PLPPR1: variants seen among roughly 807,000 people sequenced by gnomAD.
PLPPR1 encodes the protein phospholipid phosphatase-related protein type 1.
In PLPPR1, 10 loss-of-function variants were observed where a neutral mutation model predicts 33.1. The ratio of observed to expected loss-of-function variants is 0.30; its 90% CI spans 0.19 to 0.51. PLPPR1 has a LOEUF of 0.51. Among genes scored for constraint, PLPPR1 ranks in the 20% least tolerant of loss-of-function variants. The pLI is 0.97. For synonymous variants in PLPPR1, 151 were observed against 151.0 expected, an observed-to-expected ratio of 1.00 and a Z score of 0.00; for missense variants, 304 against 408.1, an observed-to-expected ratio of 0.74 and a Z score of 2.20.
intron 2 of PLPPR1, among the ~76,000 whole-genome samples, chr9:101,190,323 A>C (rs1826274341): frequency 6.6e-6 from 1 of 152,116 alleles, no homozygotes; most frequent in African/African-American, 2.4e-5. Flanking sequence ...TTATTCAGTA[A>C]CTACATTTTT....
At chr9:101,299,182 G>A (rs1163470683) in intron 4 of PLPPR1, among the ~76,000 whole-genome samples, 3 of 152,216 alleles carry the variant, frequency 2.0e-5, no homozygotes, top group East Asian at 1.9e-4. Context: ...AGGAACCGTA[G>A]TTGAAGCTCA....
intron 1 of PLPPR1, among the ~76,000 whole-genome samples, chr9:101,046,763 A>C (rs1030975015): frequency 1.3e-5 from 2 of 152,038 alleles, no homozygotes; most frequent in Admixed American, 1.3e-4. Context: ...AGTGTTACAA[A>C]ACCCAGTAAA....
chr9:101,189,994 A>G (rs1826267867), intron 2 of PLPPR1, among the ~76,000 whole-genome samples: 1 of 152,050 alleles, frequency 6.6e-6, no homozygotes, highest in African/African-American at 2.4e-5. Flanking sequence ...AGCCGAGCTT[A>G]CTTCTTCTGT....
intron 1 of PLPPR1, among the ~76,000 whole-genome samples, chr9:101,109,866 T>A (rs2118572343): frequency 6.6e-6 from 1 of 152,354 alleles, no homozygotes; most frequent in East Asian, 1.9e-4. Flanking sequence ...GGGCAGATTG[T>A]TTGTGACATG....
chr9:101,035,099 T>C (rs1462541116), intron 1 of PLPPR1, among the ~76,000 whole-genome samples: 1 of 152,140 alleles, frequency 6.6e-6, no homozygotes, highest in East Asian at 1.9e-4. Context: ...GCAGATTGTT[T>C]TAGGGAAACG....
chr9:101,101,623 T>A (rs2118554306), intron 1 of PLPPR1, among the ~76,000 whole-genome samples: 1 of 152,040 alleles, frequency 6.6e-6, no homozygotes, highest in East Asian at 1.9e-4. Context: ...TCCACTTGAA[T>A]AAATGGAATA....
intron 1 of PLPPR1, among the ~76,000 whole-genome samples, chr9:101,120,534 A>T (rs951337171): frequency 6.6e-6 from 1 of 152,170 alleles, no homozygotes; most frequent in African/African-American, 2.4e-5. Flanking sequence ...TTCTGTTCAT[A>T]GTTGGTTAGC....
chr9:101,181,318 T>A (rs982605029), intron 1 of PLPPR1, among the ~76,000 whole-genome samples: 3 of 150,904 alleles, frequency 2.0e-5, no homozygotes, highest in Non-Finnish European at 4.4e-5. Context: ...ATAGTAAGTG[T>A]TGACGATGGT....
Position 101,263,114 on chromosome 9 carries a change from C to T in PLPPR1, c.64-6766C>T, listed in dbSNP as rs544271540. On this transcript the variant is annotated intron_variant, in intron 2 of 7. Coordinates refer to ENST00000374874, the MANE Select transcript of PLPPR1 (RefSeq NM_207299.2). Reference sequence around the variant, plus strand: ...CACATGTATACCTATGTAACAAACCCGGACATTCTGCACATGTATCCCAGA... The same window carrying T: ...CACATGTATACCTATGTAACAAACCTGGACATTCTGCACATGTATCCCAGA... Among the ~76,000 whole-genome samples, 6 of 151,636 alleles carry T rather than the reference C, an allele frequency of 4.0e-5. No individual in the cohort carries two copies. In the South Asian group the frequency reaches 1.2e-3, roughly 31 times the overall value.
chr9:101,055,722 G>A (rs1034797089), intron 1 of PLPPR1, among the ~76,000 whole-genome samples: 1 of 152,086 alleles, frequency 6.6e-6, no homozygotes, highest in African/African-American at 2.4e-5. Context: ...CTCTCATGTG[G>A]GAATTCTTGT....
intron 4 of PLPPR1, among the ~76,000 whole-genome samples, chr9:101,292,372 A>G (rs1828527941): frequency 6.6e-6 from 1 of 152,208 alleles, no homozygotes; most frequent in African/African-American, 2.4e-5. Flanking sequence ...ACTCTGCAGG[A>G]TATTATCCAG....
chr9:101,193,139 A>T (rs1451351669), intron 2 of PLPPR1, among the ~76,000 whole-genome samples: 1 of 152,106 alleles, frequency 6.6e-6, no homozygotes, highest in Non-Finnish European at 1.5e-5. Context: ...AAGAGAAGAG[A>T]ATGTAGGACT....
Position 101,150,207 on chromosome 9 carries a change from T to C in PLPPR1, c.-45-35243T>C, listed in dbSNP as rs1564158767. On this transcript the variant is annotated intron_variant, in intron 1 of 7. Coordinates refer to ENST00000374874, the MANE Select transcript of PLPPR1 (RefSeq NM_207299.2). ...CTCTTCTTTAAGCTCATTCTACAGCTATATGAAATATTTTTGTGTCTTTTG... is the reference window on the plus strand; with the variant it reads ...CTCTTCTTTAAGCTCATTCTACAGCCATATGAAATATTTTTGTGTCTTTTG... 3.3e-5 allele frequency among the ~76,000 whole-genome samples: 5 copies of C among 152,204 alleles called. No homozygotes were observed. The South Asian group carries it at 1.0e-3, about 31-fold the overall frequency.
In PLPPR1 at chr9:101,304,017, T is replaced by A. The variant is rs536243346; in HGVS notation, c.386-5194T>A. On this transcript the variant is annotated intron_variant, in intron 4 of 7. Transcript: ENST00000374874. ...AAGTATTTGTTGTGTATGACATAGA[T>A]CTCCATACTCTAAGGTTTTTTTTAT... is the stretch of plus-strand genomic sequence containing the variant. Among the ~76,000 whole-genome samples the A allele has an allele frequency of 4.9e-4, 75 of 152,224 alleles. 1 individual carries two copies. Among genetic ancestry groups the A allele is most frequent in the Non-Finnish European group, 1.6e-4 (11 of 68,044 alleles).
intron 2 of PLPPR1, among the ~76,000 whole-genome samples, chr9:101,214,830 C>G (rs1826756333): frequency 1.3e-5 from 2 of 152,034 alleles, no homozygotes; most frequent in South Asian, 4.2e-4. Flanking sequence ...CAAGACCAGC[C>G]TGGCCAACAT....
At chr9:101,042,509 A>G (rs75538020) in intron 1 of PLPPR1, among the ~76,000 whole-genome samples, 4,571 of 152,272 alleles carry the variant, frequency 0.03, 156 homozygotes, top group African/African-American at 0.088. Context: ...CTCATGCCAC[A>G]TTGGACACCA....
rs200057876 is a variant in PLPPR1, at chr9:101,280,630, AAATC to A, written c.253-5466_253-5463del. On this transcript the variant is annotated intron_variant, in intron 3 of 7. Transcript: ENST00000374874. The stretch of plus-strand genomic sequence containing the variant: ...GATGCAAGGATGGTTCAACATATGC[AAATC>A]AATCAATGTGATACATCATATCAGA... Among the ~76,000 whole-genome samples the A allele has an allele frequency of 2.0e-3, 301 of 152,332 alleles. 9 individuals are homozygous for A. Among genetic ancestry groups the A allele is most frequent in the Admixed American group, 0.018 (270 of 15,304 alleles).
intron 1 of PLPPR1, among the ~76,000 whole-genome samples, chr9:101,138,921 C>A (rs1424046336): frequency 6.6e-6 from 1 of 152,058 alleles, no homozygotes. Context: ...GAAATGTGAC[C>A]ACTTCTGTGT....
At chr9:101,156,388 GAA>G (rs1303129236) in intron 1 of PLPPR1, among the ~76,000 whole-genome samples, 1 of 151,556 alleles carries the variant, frequency 6.6e-6, no homozygotes, top group African/African-American at 2.4e-5. Flanking sequence ...CATCTCTACA[GAA>G]AATACAAAAA....
Sources: allele counts gnomAD v4.1 joint callset (sites outside exome capture counted in the v4.1 genomes callset), GRCh38; gene constraint gnomAD v4.1.1; transcripts MANE v1.5; gene names NCBI Gene and HGNC (gene_info 2026-07-23, HGNC 2026-07-21).